TMEM51: variants seen among roughly 807,000 people sequenced by gnomAD.
TMEM51 encodes the protein chromosome 1 open reading frame 72.
In TMEM51, 8 loss-of-function variants were observed where a neutral mutation model predicts 13.6. The observed-to-expected ratio is 0.59, with a 90% CI of 0.35 to 1.07. The LOEUF is 1.07. Among genes scored for constraint, TMEM51 ranks in the 50% least tolerant of loss-of-function variants. The probability of loss-of-function intolerance (pLI) is 0.02; values close to 1 mark genes in which losing one functional copy is unlikely to be tolerated. For synonymous variants in TMEM51, 147 were observed against 144.4 expected (o/e 1.02, Z -0.13); for missense variants, 279 against 330.7 (o/e 0.84, Z 1.21).
chr1:15,191,191 G>A (rs1341787701), intron 1 of TMEM51, among the ~76,000 whole-genome samples: 1 of 152,230 alleles, frequency 6.6e-6, no homozygotes, highest in African/African-American at 2.4e-5. Context: ...GTGGAAGAAG[G>A]TTCCAGCAGC....
At chr1:15,156,673 G>A (rs1055923774) in intron 1 of TMEM51, among the ~76,000 whole-genome samples, 1 of 152,212 alleles carries the variant, frequency 6.6e-6, no homozygotes, top group Non-Finnish European at 1.5e-5. Flanking sequence ...GGAAAAGGAA[G>A]GTCCTAGAAT....
At chr1:15,189,637 GCA>G (rs1643888377) in intron 1 of TMEM51, among the ~76,000 whole-genome samples, 1 of 152,188 alleles carries the variant, frequency 6.6e-6, no homozygotes, top group Admixed American at 6.5e-5. Context: ...TTTTGAATCT[GCA>G]CAGTGCTGGT....
intron 1 of TMEM51, among the ~76,000 whole-genome samples, chr1:15,179,979 T>G (rs1373012670): frequency 6.6e-6 from 1 of 152,186 alleles, no homozygotes; most frequent in African/African-American, 2.4e-5. Context: ...TACACTAAGA[T>G]CTGTGCATTT....
At chr1:15,169,111 T>C (rs916243084) in intron 1 of TMEM51, among the ~76,000 whole-genome samples, 4 of 152,214 alleles carry the variant, frequency 2.6e-5, no homozygotes, top group Non-Finnish European at 5.9e-5. Context: ...CAGGCTTCTA[T>C]CTTTAGCACT....
At chr1:15,215,594 A>G (rs1256918575) in intron 3 of TMEM51, among the ~76,000 whole-genome samples, 163 bp downstream of exon 3, 1 of 152,264 alleles carries the variant, frequency 6.6e-6, no homozygotes, top group African/African-American at 2.4e-5. Context: ...CATTTTACAA[A>G]TAACTTTAGA....
intron 1 of TMEM51, among the ~76,000 whole-genome samples, chr1:15,176,156 C>T (rs12057514): frequency 0.17 from 25,934 of 152,112 alleles, 2,477 homozygotes; most frequent in African/African-American, 0.25. Flanking sequence ...GCCCAACAAC[C>T]CAGTGGTTGC....
Position 15,215,153 on chromosome 1 carries a change from G to A in TMEM51, c.66G>A (p.Leu22=), listed in dbSNP as rs770731193. The A allele has an allele frequency of 1.2e-6, 2 of 1,614,184 alleles. No individual in the cohort carries two copies. The highest frequency in any genetic ancestry group is 1.7e-6 in the Non-Finnish European group (2 of 1,180,052). Residue 22 remains leucine, a synonymous_variant, in exon 3 of 4, where the codon CTG becomes CTA. Transcript: ENST00000376008. ...YALTAIGLGM[L]VLGVIMAMWN... is the part of the protein sequence containing the mutation. Reference sequence around the variant, plus strand: ...TGACCGCCATCGGCCTGGGGATGCTGGTCCTTGGGGTGATCATGGCCATGT... The same window carrying A: ...TGACCGCCATCGGCCTGGGGATGCTAGTCCTTGGGGTGATCATGGCCATGT...
At chr1:15,182,013 T>C (rs1279821249) in intron 1 of TMEM51, among the ~76,000 whole-genome samples, 1 of 151,844 alleles carries the variant, frequency 6.6e-6, no homozygotes, top group Non-Finnish European at 1.5e-5. Context: ...ATACAAAAAT[T>C]AGCTGGGCGT....
intron 1 of TMEM51, among the ~76,000 whole-genome samples, chr1:15,202,348 C>T (rs1015524842): frequency 3.9e-5 from 6 of 152,172 alleles, no homozygotes; most frequent in African/African-American, 1.4e-4. Flanking sequence ...AACGGGAATG[C>T]CACCTGCAGG....
intron 1 of TMEM51, among the ~76,000 whole-genome samples, chr1:15,190,370 G>A (rs1029803760): frequency 3.9e-5 from 6 of 152,164 alleles, no homozygotes; most frequent in African/African-American, 1.4e-4. Context: ...ATGTGAAGAT[G>A]CATCTTTTAA....
At position 15,219,783 on chromosome 1, in the gene TMEM51, C is replaced by T. The variant is rs762289132; in HGVS notation, c.*40C>T. 1.0e-4 allele frequency: 164 copies of T among 1,589,608 alleles called. No homozygotes were observed. The highest frequency in any genetic ancestry group is 2.6e-4 in the South Asian group (23 of 88,350). On this transcript the variant is annotated 3_prime_UTR_variant, in exon 4 of 4. Transcript: ENST00000376008. The stretch of plus-strand genomic sequence containing the variant: ...GCCACGCTCCCTCCTGTCTCTCACA[C>T]CTTTCACCCCCAAGACTCTAACAAA...
At chr1:15,191,380 A>G (rs1643917862) in intron 1 of TMEM51, among the ~76,000 whole-genome samples, 2 of 152,258 alleles carry the variant, frequency 1.3e-5, no homozygotes, top group African/African-American at 4.8e-5. Context: ...TTGCTATATC[A>G]GAAGTGGCTG....
intron 1 of TMEM51, among the ~76,000 whole-genome samples, chr1:15,196,926 A>G (rs530729560): frequency 1.3e-5 from 2 of 152,332 alleles, no homozygotes; most frequent in South Asian, 2.1e-4. Flanking sequence ...TGCAGGAGAC[A>G]GAAAACTCAG....
At chr1:15,172,157 G>T (rs887108784) in intron 1 of TMEM51, among the ~76,000 whole-genome samples, 1 of 152,074 alleles carries the variant, frequency 6.6e-6, no homozygotes, top group Non-Finnish European at 1.5e-5. Context: ...CAGGTGGATC[G>T]CTTGAGCCCA....
Position 15,219,884 on chromosome 1 carries a change from GA to G in TMEM51, c.*142del. Reference sequence around the variant, plus strand: ...ATTTGGATGGCGGCGGGCGGGGGGGGATTCTCTGTATCAGGAGTGACTTTGT... The same window carrying G: ...ATTTGGATGGCGGCGGGCGGGGGGGGTTCTCTGTATCAGGAGTGACTTTGT... On this transcript the variant is annotated 3_prime_UTR_variant, in exon 4 of 4. Transcript: ENST00000376008. 1.1e-6 allele frequency: 1 copy of G among 918,990 alleles called. No homozygotes were observed. The highest frequency in any genetic ancestry group is 1.6e-6 in the Non-Finnish European group (1 of 625,962). 56.9% of individuals were successfully genotyped at this position (918,990 alleles called of 1,614,324 possible). A position where few individuals can be genotyped will look rare whatever the true frequency, so the allele number is the denominator to read the frequency against.
At chr1:15,155,115 C>T (rs1470539080) in intron 1 of TMEM51, among the ~76,000 whole-genome samples, 1 of 152,182 alleles carries the variant, frequency 6.6e-6, no homozygotes, top group Non-Finnish European at 1.5e-5. Context: ...AGCCCCTGCC[C>T]CTCCAAATAT....
At chr1:15,167,630 A>T (rs1309599469) in intron 1 of TMEM51, among the ~76,000 whole-genome samples, 1 of 152,242 alleles carries the variant, frequency 6.6e-6, no homozygotes, top group Non-Finnish European at 1.5e-5. Context: ...GGTTAGGGCC[A>T]GTTCCTCCAG....
chr1:15,180,894 G>A (rs1643595560), intron 1 of TMEM51, among the ~76,000 whole-genome samples: 1 of 152,222 alleles, frequency 6.6e-6, no homozygotes, highest in South Asian at 2.1e-4. Context: ...AGAAAATGGA[G>A]GAGCTGGGAT....
chr1:15,219,626 C>T lies in TMEM51; in HGVS notation c.645C>T (p.Asp215=). ...AATCTGAAAAGCTTCACCTCAAAGA[C>T]TTTAGGATCAACCTCCCAGACAAAA... ...RIKSEKLHLK[D]FRINLPDKNV... is the part of the protein sequence containing the mutation. The change falls in exon 4 of 4, where the codon GAC becomes GAT. Residue 215 remains aspartate, a synonymous_variant. Transcript: ENST00000376008. The T allele has an allele frequency of 6.2e-7, 1 of 1,614,096 alleles. No individual in the cohort carries two copies. The highest frequency in any genetic ancestry group is 8.5e-7 in the Non-Finnish European group (1 of 1,180,044).
Sources: gnomAD v4.1 joint callset for allele counts (sites outside exome capture counted in the v4.1 genomes callset) on GRCh38, gnomAD v4.1.1 for gene constraint, MANE v1.5 for transcripts, NCBI Gene and HGNC (gene_info 2026-07-23, HGNC 2026-07-21) for gene names.